The following PRR16 variants were observed in gnomAD, a reference collection of about 807,000 sequenced individuals.
PRR16 encodes proline rich 16.
A neutral mutation model predicts 18.2 loss-of-function variants in PRR16; 6 were observed. That is an observed-to-expected ratio of 0.33 (90% CI 0.18 to 0.65). The LOEUF (loss-of-function observed/expected upper bound fraction) is 0.65. Ranked by LOEUF, PRR16 falls within the 30% of genes least tolerant of loss-of-function variation. The probability of loss-of-function intolerance (pLI) is 0.74; values close to 1 mark genes in which losing one functional copy is unlikely to be tolerated. For missense variants in PRR16, 412 were observed against 376.6 expected, an observed-to-expected ratio of 1.09 and a Z score of -0.78; for synonymous variants, 151 against 147.8, an observed-to-expected ratio of 1.02 and a Z score of -0.16.
At chr5:120,783,839 C>T in the PRR16 span, among the ~76,000 whole-genome samples, 2 of 152,032 alleles carry the variant, frequency 1.3e-5, no homozygotes, top group African/African-American at 4.8e-5. Flanking sequence ...AATTTTTGTA[C>T]CCATTTACCA....
chr5:120,490,591 G>T (rs2112825989), intron 1 of PRR16, among the ~76,000 whole-genome samples: 1 of 152,220 alleles, frequency 6.6e-6, no homozygotes, highest in East Asian at 1.9e-4. Context: ...TTTGTCATGG[G>T]TTTGAACTTC....
chr5:120,730,171 C>CA, the PRR16 span, among the ~76,000 whole-genome samples: 1 of 152,084 alleles, frequency 6.6e-6, no homozygotes, highest in African/African-American at 2.4e-5. Flanking sequence ...TTAGCAGTGA[C>CA]AATGGAGTAT....
At chr5:120,640,181 C>A (rs1241101534) in intron 1 of PRR16, among the ~76,000 whole-genome samples, 1 of 152,006 alleles carries the variant, frequency 6.6e-6, no homozygotes, top group Non-Finnish European at 1.5e-5. Context: ...GGTTGAAAAT[C>A]CACCTATTGG....
At chr5:120,550,688 G>A (rs1752226065) in intron 1 of PRR16, among the ~76,000 whole-genome samples, 1 of 152,020 alleles carries the variant, frequency 6.6e-6, no homozygotes, top group South Asian at 2.1e-4. Context: ...ATTTGTGTAA[G>A]TGCTCAGCAT....
At chr5:120,782,070 T>C in the PRR16 span, among the ~76,000 whole-genome samples, 2 of 152,200 alleles carry the variant, frequency 1.3e-5, no homozygotes. Context: ...TTCATGCACA[T>C]TGTTCTTCTG....
At chr5:120,597,578 C>G (rs1406445528) in intron 1 of PRR16, among the ~76,000 whole-genome samples, 2 of 151,652 alleles carry the variant, frequency 1.3e-5, no homozygotes, top group Non-Finnish European at 3.0e-5. Flanking sequence ...TAGTCTTTCC[C>G]CTTACAGATT....
chr5:120,611,904 C>T (rs187380488), intron 1 of PRR16, among the ~76,000 whole-genome samples: 1 of 152,284 alleles, frequency 6.6e-6, no homozygotes, highest in Admixed American at 6.5e-5. Flanking sequence ...GGAAAAGCCA[C>T]AGACACTCCA....
At chr5:120,556,233 G>GTTTTTTTTTTTTTTT (rs34053155) in intron 1 of PRR16, among the ~76,000 whole-genome samples, 1 of 121,760 alleles carries the variant, frequency 8.2e-6, no homozygotes, top group African/African-American at 3.1e-5. Context: ...CAATTTCATT[G>GTTTTTTTTTTTTTTT]TTTTTTTTTT....
intron 1 of PRR16, among the ~76,000 whole-genome samples, chr5:120,481,731 A>C (rs1749624172): frequency 6.6e-6 from 1 of 152,202 alleles, no homozygotes; most frequent in African/African-American, 2.4e-5. Context: ...ACTGTGTCGT[A>C]AAAACAGAAT....
the PRR16 span, among the ~76,000 whole-genome samples, chr5:120,712,404 T>TCCC: frequency 6.6e-6 from 1 of 152,174 alleles, no homozygotes; most frequent in Admixed American, 6.6e-5. Context: ...CCCACTGTTG[T>TCCC]ACTGTTTCTA....
the PRR16 span, among the ~76,000 whole-genome samples, chr5:120,794,556 C>G: frequency 6.6e-6 from 1 of 152,078 alleles, no homozygotes; most frequent in Non-Finnish European, 1.5e-5. Flanking sequence ...AGATGGCGAA[C>G]TTAATCAATA....
chr5:120,748,308 T>G, the PRR16 span, among the ~76,000 whole-genome samples: 1 of 152,128 alleles, frequency 6.6e-6, no homozygotes, highest in Non-Finnish European at 1.5e-5. Context: ...AGACAAATAG[T>G]AATTCTCTTC....
chr5:120,721,508 A>G, the PRR16 span, among the ~76,000 whole-genome samples: 1 of 152,068 alleles, frequency 6.6e-6, no homozygotes, highest in African/African-American at 2.4e-5. Flanking sequence ...ATGCAATTAT[A>G]TGCATTATGA....
the PRR16 span, among the ~76,000 whole-genome samples, chr5:120,745,826 G>A: frequency 2.0e-5 from 3 of 150,616 alleles, no homozygotes; most frequent in African/African-American, 7.4e-5. Context: ...AGCCTCTGGA[G>A]TAGCTGGGAT....
the PRR16 span, among the ~76,000 whole-genome samples, chr5:120,742,091 TG>T: frequency 3.9e-5 from 6 of 152,222 alleles, no homozygotes; most frequent in African/African-American, 1.4e-4. Context: ...TTAAGCTTTT[TG>T]TATCACTGTT....
At chr5:120,500,843 A>G (rs1221938557) in intron 1 of PRR16, among the ~76,000 whole-genome samples, 1 of 152,142 alleles carries the variant, frequency 6.6e-6, no homozygotes, top group Non-Finnish European at 1.5e-5. Flanking sequence ...GGAGATAATC[A>G]TAATTTATTA....
At chr5:120,555,128 G>A (rs1210090627) in intron 1 of PRR16, among the ~76,000 whole-genome samples, 1 of 151,788 alleles carries the variant, frequency 6.6e-6, no homozygotes, top group Non-Finnish European at 1.5e-5. Context: ...AATTTACTGA[G>A]CAAATTCAGC....
chr5:120,748,094 A>G, the PRR16 span, among the ~76,000 whole-genome samples: 1,113 of 152,178 alleles, frequency 7.3e-3, 15 homozygotes, highest in African/African-American at 0.026. Flanking sequence ...CTGACAATAT[A>G]TTATTGAATG....
chr5:120,781,809 T>C, the PRR16 span, among the ~76,000 whole-genome samples: 1 of 152,202 alleles, frequency 6.6e-6, no homozygotes, highest in East Asian at 1.9e-4. Context: ...CATTAATATC[T>C]ATAGCTTATT....
Sources: allele counts gnomAD v4.1 joint callset (sites outside exome capture counted in the v4.1 genomes callset), GRCh38; gene constraint gnomAD v4.1.1; transcripts MANE v1.5; gene names NCBI Gene and HGNC (gene_info 2026-07-23, HGNC 2026-07-21).